AHCTF1: variants seen among roughly 807,000 people sequenced by gnomAD.
AHCTF1 encodes the protein AT-hook containing transcription factor 1, also known as protein ELYS.
In AHCTF1, 24 loss-of-function variants were observed where a neutral mutation model predicts 248.4. That is an observed-to-expected ratio of 0.10 (90% CI 0.07 to 0.14). The LOEUF is 0.14. Among genes scored for constraint, AHCTF1 ranks in the 10% least tolerant of loss-of-function variants. AHCTF1 has a pLI of 1.00. For synonymous variants in AHCTF1, 786 were observed against 929.8 expected (o/e 0.85, Z 2.81); for missense variants, 2,206 against 2,636.2 (o/e 0.84, Z 3.57).
In AHCTF1 at chr1:246,850,896, T is replaced by C. The variant is rs760531819; in HGVS notation, c.5110A>G (p.Ile1704Val). 3.1e-6 allele frequency: 5 copies of C among 1,613,900 alleles called. No homozygotes were observed. The highest frequency in any genetic ancestry group is 4.2e-6 in the Non-Finnish European group (5 of 1,179,890). ...HETIPLVSQN[I>V]MCPTKLVKSA... is the part of the protein sequence containing the mutation. ...TTGACCAATTTAGTGGGACACATTA[T>C]GTTTTGGCTCACTAAAGGTATTGTT... Residue 1704 changes from isoleucine (I) to valine (V), a missense_variant, in exon 33 of 36, where the codon ATA becomes GTA. Transcript: ENST00000648844.
At chr1:246,855,366 T>TTCAG (rs1487939007) in intron 31 of AHCTF1, among the ~76,000 whole-genome samples, 2 of 152,226 alleles carry the variant, frequency 1.3e-5, no homozygotes, top group African/African-American at 4.8e-5. Context: ...CTGGAGAATA[T>TTCAG]TCAGTCATTT....
rs989647542 is a variant in AHCTF1, at chr1:246,876,669, T to C, written c.2937+281A>G. ...CTCTACCACACAATGATCTTTGTAC[T>C]ATGTAACTCCTACTGCTGGCCTCTA... On this transcript the variant is annotated intron_variant, in intron 23 of 35. Coordinates refer to ENST00000648844, the MANE Select transcript of AHCTF1 (RefSeq NM_001323342.2). Among the ~76,000 whole-genome samples the C allele has an allele frequency of 3.9e-5, 6 of 152,334 alleles. No individual in the cohort carries two copies. In the East Asian group the frequency reaches 1.2e-3, roughly 29 times the overall value.
At chr1:246,888,542 T>G in intron 17 of AHCTF1, 25 bp from the exon 18 acceptor site, 1 of 1,611,160 alleles carries the variant, frequency 6.2e-7, no homozygotes, top group East Asian at 2.2e-5. Flanking sequence ...AAATTAAGAC[T>G]TATTTAATAT....
At position 246,913,226 on chromosome 1, in the gene AHCTF1, G is replaced by A; in HGVS notation, c.556+6C>T. ...CATTTTTGGTTTCAAGTAAAGAACTGATTACCTGATGCTTCAACTTCATTT... is the reference window on the plus strand; with the variant it reads ...CATTTTTGGTTTCAAGTAAAGAACTAATTACCTGATGCTTCAACTTCATTT... On this transcript the variant is annotated splice_donor_region_variant and intron_variant, in intron 4 of 35. Transcript: ENST00000648844. 1 of 1,585,934 alleles carries A rather than the reference G, an allele frequency of 6.3e-7. No homozygotes were observed.
intron 20 of AHCTF1, among the ~76,000 whole-genome samples, chr1:246,886,359 C>CA (rs1438571094): frequency 2.0e-5 from 3 of 151,936 alleles, no homozygotes; most frequent in Non-Finnish European, 4.4e-5. Context: ...TAAAAAATAA[C>CA]AGTATAATGA....
At chr1:246,900,303 A>G (rs751048463) in intron 9 of AHCTF1, 34 bp downstream of exon 9, 3 of 1,582,856 alleles carry the variant, frequency 1.9e-6, no homozygotes, top group Non-Finnish European at 2.6e-6. Flanking sequence ...TACAAATACA[A>G]AGAGAAAGGA....
At chr1:246,917,482 C>T (rs1401663375) in intron 2 of AHCTF1, among the ~76,000 whole-genome samples, 1 of 152,218 alleles carries the variant, frequency 6.6e-6, no homozygotes, top group Non-Finnish European at 1.5e-5. Flanking sequence ...CTTTCTGCCA[C>T]TTACCTGTAT....
chr1:246,863,013 C>T (rs1661686558), intron 27 of AHCTF1, among the ~76,000 whole-genome samples: 1 of 152,126 alleles, frequency 6.6e-6, no homozygotes, highest in African/African-American at 2.4e-5. Context: ...AAGATCATAA[C>T]AATTCTTTTT....
intron 29 of AHCTF1, among the ~76,000 whole-genome samples, chr1:246,859,852 C>A (rs1194039465): frequency 6.6e-6 from 1 of 152,070 alleles, no homozygotes; most frequent in African/African-American, 2.4e-5. Context: ...CTTTACCCAG[C>A]CTGAACATTT....
rs781242042 is a variant in AHCTF1 at position 246,916,304 on chromosome 1, A to T, written c.213T>A (p.Ser71Arg). The change falls in exon 3 of 36, where the codon AGT becomes AGA. Residue 71 changes from serine (S) to arginine (R), a missense_variant. Physicochemically the swap from Ser to Arg is moderately radical, Grantham distance 110. Coordinates refer to ENST00000648844, the MANE Select transcript of AHCTF1 (RefSeq NM_001323342.2). Reference protein sequence around the residue: ...TGERLSAYRFSGVNEQPPVVL... With the variant: ...TGERLSAYRFRGVNEQPPVVL... The stretch of plus-strand genomic sequence containing the variant: ...CTACAGGAGGCTGTTCATTGACTCC[A>T]CTGAATCTGTAAGCAGACAATCGCT... 1.3e-5 allele frequency: 21 copies of T among 1,609,660 alleles called. No homozygotes were observed. The highest frequency in any genetic ancestry group is 1.8e-5 in the Non-Finnish European group (21 of 1,176,462).
rs1659955354 is a variant in AHCTF1, at chr1:246,842,605, T to TAA, written c.6608+87_6608+88dup. ...TCAAAAAAAATAAATAAAAATAAAATAAAATAATAAAAGGAGGATAGTAGG... is the reference window on the plus strand; with the variant it reads ...TCAAAAAAAATAAATAAAAATAAAATAAAAAATAATAAAAGGAGGATAGTAGG... On this transcript the variant is annotated intron_variant, in intron 35 of 35. Transcript: ENST00000648844. 9.2e-6 allele frequency: 9 copies of TAA among 980,940 alleles called. No individual in the cohort carries two copies. The East Asian group carries it at 2.7e-4, about 29-fold the overall frequency. 60.8% of individuals were successfully genotyped at this position (980,940 alleles called of 1,614,324 possible). A position where few individuals can be genotyped will look rare whatever the true frequency, so the allele number is the denominator to read the frequency against.
At position 246,863,387 on chromosome 1, in the gene AHCTF1, C is replaced by A. The variant is rs1012829443; in HGVS notation, c.3540+537G>T. Reference sequence around the variant, plus strand: ...GATAGTATGTTTAAAAAAAAAAAAACAAAACTTTAAAAATGGAAAGGTTTA... The same window carrying A: ...GATAGTATGTTTAAAAAAAAAAAAAAAAAACTTTAAAAATGGAAAGGTTTA... On this transcript the variant is annotated intron_variant, in intron 27 of 35. Transcript: ENST00000648844. Among the ~76,000 whole-genome samples, 189 of 146,508 alleles carry A rather than the reference C, an allele frequency of 1.3e-3. 1 individual carries two copies. Among genetic ancestry groups the A allele is most frequent in the African/African-American group, 1.3e-3 (51 of 40,010 alleles).
intron 21 of AHCTF1, among the ~76,000 whole-genome samples, chr1:246,877,928 T>A (rs996734745): frequency 9.2e-5 from 14 of 152,184 alleles, no homozygotes; most frequent in African/African-American, 3.4e-4. Context: ...TATTTATTTT[T>A]ATTTTTTTTA....
Position 246,913,239 on chromosome 1 carries a change from T to C in AHCTF1, c.549A>G (p.Glu183=), listed in dbSNP as rs1224153273. The change falls in exon 4 of 36, where the codon GAA becomes GAG. Residue 183 remains glutamate (E), a synonymous_variant. Coordinates refer to ENST00000648844, the MANE Select transcript of AHCTF1 (RefSeq NM_001323342.2). The stretch of plus-strand genomic sequence containing the variant: ...AAGTAAAGAACTGATTACCTGATGC[T>C]TCAACTTCATTTTGATTGCATGACA... ...DDLSCNQNEV[E]ASDLEVLTGI... 1.9e-6 allele frequency: 3 copies of C among 1,600,008 alleles called. No homozygotes were observed. Among genetic ancestry groups the C allele is most frequent in the Non-Finnish European group, 2.6e-6 (3 of 1,171,826 alleles).
chr1:246,920,233 T>C (rs935643998), intron 1 of AHCTF1, among the ~76,000 whole-genome samples: 4 of 148,524 alleles, frequency 2.7e-5, no homozygotes, highest in African/African-American at 1.0e-4. Context: ...CAGAATCAGA[T>C]GACTGAGGAC....
At chr1:246,855,689 C>T (rs749630994) in intron 31 of AHCTF1, 41 bp downstream of exon 31, 4 of 1,508,684 alleles carry the variant, frequency 2.7e-6, no homozygotes, top group Admixed American at 3.8e-5. Context: ...ACTCAAAACA[C>T]AAAAATGGAA....
rs749533245 is a variant in AHCTF1, at chr1:246,867,291, C to G, written c.3300G>C (p.Glu1100Asp). 2 of 1,603,520 alleles carry G rather than the reference C, an allele frequency of 1.2e-6. No homozygotes were observed. Among genetic ancestry groups the G allele is most frequent in the Non-Finnish European group, 1.7e-6 (2 of 1,175,002 alleles). The change falls in exon 26 of 36, where the codon GAG (glutamate) becomes GAC (aspartate). Residue 1100 changes from glutamate to aspartate, a missense_variant. Physicochemically the swap from Glu to Asp is conservative, Grantham distance 45. Coordinates refer to ENST00000648844, the MANE Select transcript of AHCTF1 (RefSeq NM_001323342.2). ...TTGAAATTGGTGTTCCAAAAAATGCCTCAGGCAGCTCTGGAGCTGGGAGCG... is the reference window on the plus strand; with the variant it reads ...TTGAAATTGGTGTTCCAAAAAATGCGTCAGGCAGCTCTGGAGCTGGGAGCG... ...VYSLPAPELP[E>D]AFFGTPISKA...
At chr1:246,869,496 T>C (rs2103088406) in intron 24 of AHCTF1, among the ~76,000 whole-genome samples, 1 of 152,306 alleles carries the variant, frequency 6.6e-6, no homozygotes, top group South Asian at 2.1e-4. Flanking sequence ...AGTCAATGCC[T>C]GGCTTCAAAG....
At chr1:246,898,816 G>A (rs554898776) in intron 11 of AHCTF1, among the ~76,000 whole-genome samples, 4 of 152,318 alleles carry the variant, frequency 2.6e-5, no homozygotes, top group East Asian at 1.9e-4. Flanking sequence ...GGCCAGGCAC[G>A]GTGGCTCACG....
Sources: allele counts gnomAD v4.1 joint callset (sites outside exome capture counted in the v4.1 genomes callset), GRCh38; gene constraint gnomAD v4.1.1; transcripts MANE v1.5; gene names NCBI Gene and HGNC (gene_info 2026-07-23, HGNC 2026-07-21).